The following PIEZO2 variants were observed in gnomAD, a reference collection of about 807,000 sequenced individuals.
PIEZO2 encodes piezo type mechanosensitive ion channel component 2.
A neutral mutation model predicts 337.3 loss-of-function variants in PIEZO2; 172 were observed. That is an observed-to-expected ratio of 0.51 (90% confidence interval 0.45 to 0.58). The LOEUF is 0.58. Among genes scored for constraint, PIEZO2 ranks in the 20% least tolerant of loss-of-function variants. PIEZO2 has a pLI of 0.00. For missense variants in PIEZO2, 3,028 were observed against 3,391.3 expected, an observed-to-expected ratio of 0.89 and a Z score of 2.66; for synonymous variants, 1,251 against 1,228.5, an observed-to-expected ratio of 1.02 and a Z score of -0.38.
At position 10,962,620 on chromosome 18, in the gene PIEZO2, C is replaced by T. The variant is rs1455530954; in HGVS notation, c.286+16915G>A. ...CCTCATTCAGCTGTGCTACATTGCC[C>T]CTCTTTCTTTGACTTTTCCTCTTAC... On this transcript the variant is annotated intron_variant, in intron 3 of 55. Transcript: ENST00000674853. This position sits in a 1 kb window ranked among gnomAD's most constrained non-coding sequence, Gnocchi z 4.1. Among the ~76,000 whole-genome samples the T allele has an allele frequency of 2.6e-5, 4 of 152,156 alleles. No individual in the cohort carries two copies. Among genetic ancestry groups the T allele is most frequent in the Non-Finnish European group, 5.9e-5 (4 of 68,044 alleles).
intron 45 of PIEZO2, 149 bp from the exon 46 acceptor site, chr18:10,696,688 C>T (rs1598368223): frequency 2.3e-6 from 2 of 868,376 alleles, no homozygotes; most frequent in East Asian, 5.2e-5. Flanking sequence ...GATAGTCCCG[C>T]TGTGGACAGC....
chr18:11,036,740 A>G (rs2036934544), intron 2 of PIEZO2, among the ~76,000 whole-genome samples: 1 of 152,164 alleles, frequency 6.6e-6, no homozygotes, highest in African/African-American at 2.4e-5. Flanking sequence ...TATCATTAAA[A>G]TCATAATAAA....
intron 3 of PIEZO2, among the ~76,000 whole-genome samples, chr18:10,933,382 A>T (rs571318882): frequency 6.6e-6 from 1 of 152,098 alleles, no homozygotes; most frequent in Non-Finnish European, 1.5e-5. Context: ...AAGATTACAT[A>T]TTAGAAATAT....
intron 3 of PIEZO2, among the ~76,000 whole-genome samples, chr18:10,966,171 AGGTATAGTCC>A (rs1157294190): frequency 2.6e-5 from 4 of 152,210 alleles, no homozygotes; most frequent in African/African-American, 9.6e-5. Flanking sequence ...TGTTTCAGGA[AGGTATAGTCC>A]TTCACCAGCT....
chr18:11,068,268 A>G (rs1422682961), intron 1 of PIEZO2, among the ~76,000 whole-genome samples: 2 of 152,226 alleles, frequency 1.3e-5, no homozygotes, highest in Admixed American at 6.5e-5. Context: ...AGAATAGAGC[A>G]TAAGTTAGGT....
intron 3 of PIEZO2, among the ~76,000 whole-genome samples, chr18:10,918,458 T>C (rs2031167841): frequency 6.6e-6 from 1 of 152,088 alleles, no homozygotes; most frequent in South Asian, 2.1e-4. Flanking sequence ...ATCCCATGTA[T>C]CCTTTATCAG....
intron 7 of PIEZO2, among the ~76,000 whole-genome samples, chr18:10,827,049 C>CATAG (rs1280550766): frequency 1.3e-5 from 2 of 151,990 alleles, no homozygotes; most frequent in African/African-American, 4.8e-5. Flanking sequence ...TGTTCTTATG[C>CATAG]ATAGATATAT....
intron 33 of PIEZO2, among the ~76,000 whole-genome samples, 156 bp from the exon 34 acceptor site, chr18:10,736,866 T>C (rs1354412108): frequency 6.6e-6 from 1 of 152,164 alleles, no homozygotes; most frequent in African/African-American, 2.4e-5. Flanking sequence ...TGAAGAGAAC[T>C]CATCTTCGGC....
chr18:10,872,534 G>T lies in PIEZO2; in HGVS notation c.330-1119C>A, dbSNP rs546729470. On this transcript the variant is annotated intron_variant, in intron 4 of 55. Transcript: ENST00000674853. This position sits in a 1 kb window ranked among gnomAD's most constrained non-coding sequence, Gnocchi z 4.3. ...AAGCTCACTCTGCTGCAAGACACCA[G>T]AGCTTAATAGGCACTGGCAGACTTC... Among the ~76,000 whole-genome samples, 6 of 152,148 alleles carry T rather than the reference G, an allele frequency of 3.9e-5. No homozygotes were observed. The highest frequency in any genetic ancestry group is 8.8e-5 in the Non-Finnish European group (6 of 68,022).
At chr18:10,800,892 T>C (rs1278091893) in intron 10 of PIEZO2, among the ~76,000 whole-genome samples, 1 of 152,212 alleles carries the variant, frequency 6.6e-6, no homozygotes, top group Non-Finnish European at 1.5e-5. Flanking sequence ...TGGTCCAACA[T>C]TGTCCTGCCT....
Position 10,672,763 on chromosome 18 carries a change from A to C in PIEZO2, c.8272T>G (p.Ser2758Ala), listed in dbSNP as rs765339568. ...LTGNRIYNPNSQALELVVFND... is the reference protein window; with the variant it reads ...LTGNRIYNPNAQALELVVFND... ...AAGACCACCAGTTCCAGGGCCTGAGAGTTCGGATTGTATATTCTGTTTCCA... is the reference window on the plus strand; with the variant it reads ...AAGACCACCAGTTCCAGGGCCTGAGCGTTCGGATTGTATATTCTGTTTCCA... The change falls in exon 55 of 56, where the codon TCT becomes GCT. Residue 2758 changes from serine to alanine, a missense_variant. Coordinates refer to ENST00000674853, the MANE Select transcript of PIEZO2 (RefSeq NM_001378183.1). The surrounding 1 kb of genome is among the most constrained non-coding windows in gnomAD (Gnocchi z 4.7). 18 of 1,614,006 alleles carry C rather than the reference A, an allele frequency of 1.1e-5. No individual in the cohort carries two copies. The highest frequency in any genetic ancestry group is 1.5e-5 in the Non-Finnish European group (18 of 1,180,008).
rs1417547988 is a variant in PIEZO2, at chr18:10,728,589, ATACT to A, written c.5029+2814_5029+2817del. ...AAAAAAGAATGATATGATTTTATAA[ATACT>A]TAATTGGAGAAATGTTCATGACATT... On this transcript the variant is annotated intron_variant, in intron 36 of 55. Transcript: ENST00000674853. 5.3e-5 allele frequency: 8 copies of A among 152,218 alleles called. No individual in the cohort carries two copies. In the East Asian group the frequency reaches 5.8e-4, roughly 11 times the overall value. 9.4% of individuals were successfully genotyped at this position (152,218 alleles called of 1,614,324 possible).
intron 2 of PIEZO2, among the ~76,000 whole-genome samples, chr18:11,063,345 T>TG (rs1398724039): frequency 6.6e-6 from 1 of 151,388 alleles, no homozygotes; most frequent in Non-Finnish European, 1.5e-5. Context: ...GATGAGTTAA[T>TG]GGGTGCAGCA....
At chr18:10,948,026 C>T (rs2033114051) in intron 3 of PIEZO2, among the ~76,000 whole-genome samples, 1 of 151,944 alleles carries the variant, frequency 6.6e-6, no homozygotes, top group Non-Finnish European at 1.5e-5. Context: ...AAGAAAAGAA[C>T]AGATAGTGCA....
At chr18:11,139,226 C>T (rs2040573085) in intron 1 of PIEZO2, among the ~76,000 whole-genome samples, 1 of 152,154 alleles carries the variant, frequency 6.6e-6, no homozygotes, top group African/African-American at 2.4e-5. Context: ...AGGGGTCAAT[C>T]TGAACAAGGT....
At chr18:10,938,262 T>A (rs1000356306) in intron 3 of PIEZO2, among the ~76,000 whole-genome samples, 2 of 152,196 alleles carry the variant, frequency 1.3e-5, no homozygotes, top group Non-Finnish European at 2.9e-5. Context: ...ACTGATTTCC[T>A]ATGTTTCTTT....
intron 7 of PIEZO2, among the ~76,000 whole-genome samples, chr18:10,843,771 T>G (rs2041265830): frequency 6.6e-6 from 1 of 152,138 alleles, no homozygotes; most frequent in Non-Finnish European, 1.5e-5. Flanking sequence ...CCAGCAGTGC[T>G]CCCTGCCAGG....
intron 2 of PIEZO2, among the ~76,000 whole-genome samples, chr18:11,015,118 C>T (rs1046718650): frequency 1.4e-4 from 15 of 106,788 alleles, no homozygotes; most frequent in South Asian, 1.3e-3. Context: ...CATTCCTCAG[C>T]GGGGAACATG....
rs1568134964 is a variant in PIEZO2, at chr18:10,857,134, G to A, written c.570C>T (p.Gly190=). The A allele has an allele frequency of 6.5e-7, 1 of 1,537,776 alleles. No individual in the cohort carries two copies. Among genetic ancestry groups the A allele is most frequent in the East Asian group, 2.4e-5 (1 of 40,916 alleles). Residue 190 remains glycine, a synonymous_variant, in exon 6 of 56, where the codon GGC becomes GGT. Coordinates refer to ENST00000674853, the MANE Select transcript of PIEZO2 (RefSeq NM_001378183.1). The part of the protein sequence containing the change: ...EDFNGGDGVE[G]ELEESTKLKM... Reference sequence around the variant, plus strand: ...TTAACTTCGTGCTTTCTTCCAACTCGCCTTCAACACCATCTCCTCCATTGA... The same window carrying A: ...TTAACTTCGTGCTTTCTTCCAACTCACCTTCAACACCATCTCCTCCATTGA...
Sources: gnomAD v4.1 joint callset for allele counts (sites outside exome capture counted in the v4.1 genomes callset) on GRCh38, gnomAD v4.1.1 for gene constraint, Gnocchi (gnomAD v3.1) non-coding constraint, MANE v1.5 for transcripts, NCBI Gene and HGNC (gene_info 2026-07-23, HGNC 2026-07-21) for gene names.